CSGALNACT1: variants seen among roughly 807,000 people sequenced by gnomAD.
The protein encoded by CSGALNACT1 is chondroitin sulfate N-acetylgalactosaminyltransferase 1, also known as beta4GalNAcT-1.
A neutral mutation model predicts 51.0 loss-of-function variants in CSGALNACT1; 52 were observed. That is an observed-to-expected ratio of 1.02 (90% CI 0.82 to 1.29). The LOEUF (loss-of-function observed/expected upper bound fraction) is 1.29, where lower values mean the gene tolerates loss of function less well. Among genes scored for constraint, CSGALNACT1 ranks in the 50% most tolerant of loss-of-function variants. The probability of loss-of-function intolerance (pLI) is 0.00; values close to 1 mark genes in which losing one functional copy is unlikely to be tolerated. For synonymous variants in CSGALNACT1, 341 were observed against 254.4 expected (o/e 1.34, Z -3.24); for missense variants, 935 against 679.2 (o/e 1.38, Z -4.19).
rs879675049 is a variant in CSGALNACT1, at chr8:19,596,593, GAA to G, written c.-416+5176_-416+5177del. ...TGCAAATATAGGCCACAAATTGTAA[GAA>G]AAAAAAAAAAGACAACAAAGTCTAA... On this transcript the variant is annotated intron_variant, in intron 2 of 9. Coordinates refer to ENST00000454498, the Ensembl canonical transcript of CSGALNACT1. Among the ~76,000 whole-genome samples the G allele has an allele frequency of 8.8e-3, 1,166 of 133,198 alleles. 16 individuals are homozygous for G. The highest frequency in any genetic ancestry group is 0.03 in the African/African-American group (1,098 of 36,352). The allele number at this position is 133,198 out of a possible 152,430, so 87.4% of individuals were successfully genotyped here.
At chr8:19,534,371 AAC>A (rs2083352601) in intron 3 of CSGALNACT1, among the ~76,000 whole-genome samples, 1 of 152,108 alleles carries the variant, frequency 6.6e-6, no homozygotes, top group Non-Finnish European at 1.5e-5. Context: ...GAATAGCTTG[AAC>A]CCAGGAGGCA....
At chr8:19,416,764 G>C (rs2056962736) in intron 8 of CSGALNACT1, among the ~76,000 whole-genome samples, 1 of 152,188 alleles carries the variant, frequency 6.6e-6, no homozygotes, top group East Asian at 1.9e-4. Context: ...ATGTAGGATT[G>C]CATAAGTGCG....
intron 3 of CSGALNACT1, among the ~76,000 whole-genome samples, chr8:19,511,995 T>C (rs961605210): frequency 6.6e-6 from 1 of 152,128 alleles, no homozygotes; most frequent in Non-Finnish European, 1.5e-5. Flanking sequence ...GATCCAATCA[T>C]CTCCCACCAG....
chr8:19,689,083 A>G, intron 1 of CSGALNACT1: 1 of 152,072 alleles, frequency 6.6e-6, no homozygotes, highest in East Asian at 1.9e-4. Flanking sequence ...ACATACCAAA[A>G]TCTTTGATTC....
chr8:19,496,561 G>A (rs1274186285), intron 4 of CSGALNACT1, among the ~76,000 whole-genome samples: 1 of 152,168 alleles, frequency 6.6e-6, no homozygotes, highest in African/African-American at 2.4e-5. Context: ...AAGATATAAT[G>A]AGCTGAAAGA....
rs71510655 is a variant in CSGALNACT1 at position 19,696,375 on chromosome 8, T to C, written c.-297+61475A>G. Among the ~76,000 whole-genome samples, 406 of 152,304 alleles carry C rather than the reference T, an allele frequency of 2.7e-3. 1 individual carries two copies. The highest frequency in any genetic ancestry group is 6.8e-3 in the Middle Eastern group (2 of 294). On this transcript the variant is annotated intron_variant, in intron 1 of 1. Coordinates refer to the CSGALNACT1 transcript ENST00000517494. ...ACTCTTCGTTCCAGGGATATAAGCA[T>C]GAATTAAAGGCAGGCCTTCCCTCAA...
At chr8:19,454,489 G>A (rs992442672) in intron 5 of CSGALNACT1, among the ~76,000 whole-genome samples, 1 of 152,156 alleles carries the variant, frequency 6.6e-6, no homozygotes, top group Admixed American at 6.5e-5. Flanking sequence ...TGACCAACGT[G>A]GTGAAACCCA....
chr8:19,698,546 T>C (rs1384711585), intron 1 of CSGALNACT1, among the ~76,000 whole-genome samples: 1 of 152,214 alleles, frequency 6.6e-6, no homozygotes, highest in Non-Finnish European at 1.5e-5. Context: ...GGCCGAAGAA[T>C]TAAGCAGAGG....
exon 4 of CSGALNACT1, chr8:19,505,802 C>G: frequency 1.2e-6 from 2 of 1,613,470 alleles, no homozygotes; most frequent in Non-Finnish European, 1.7e-6. Context: ...CCCGGGAAAT[C>G]CACGCAAGCA....
chr8:19,550,257 A>G (rs1266985716), intron 3 of CSGALNACT1, among the ~76,000 whole-genome samples: 1 of 152,202 alleles, frequency 6.6e-6, no homozygotes, highest in East Asian at 1.9e-4. Context: ...AACAGCCAGG[A>G]CAACAGATGT....
intron 1 of CSGALNACT1, among the ~76,000 whole-genome samples, chr8:19,689,508 G>A (rs2061169268): frequency 1.3e-5 from 2 of 152,164 alleles, no homozygotes; most frequent in South Asian, 4.1e-4. Context: ...TTGAGCCACT[G>A]TTTTGAAGAG....
chr8:19,685,341 T>G (rs1269549103), upstream of CSGALNACT1, among the ~76,000 whole-genome samples: 1 of 152,060 alleles, frequency 6.6e-6, no homozygotes, highest in Non-Finnish European at 1.5e-5. Context: ...AAACCCTGTC[T>G]CTACAAAAAT....
intron 8 of CSGALNACT1, among the ~76,000 whole-genome samples, chr8:19,408,949 A>AACACACACACACACACAC (rs5889870): frequency 0.027 from 3,855 of 142,190 alleles, 78 homozygotes; most frequent in Middle Eastern, 0.043. Flanking sequence ...TAGATATGAA[A>AACACACACACACACACAC]ACACACACAC....
At chr8:19,727,629 GC>G (rs2063477033) in intron 1 of CSGALNACT1, among the ~76,000 whole-genome samples, 1 of 152,196 alleles carries the variant, frequency 6.6e-6, no homozygotes, top group African/African-American at 2.4e-5. Context: ...ATAGGTGTGA[GC>G]CACTGCAATT....
At chr8:19,580,901 A>C (rs1163197166) in intron 3 of CSGALNACT1, among the ~76,000 whole-genome samples, 1 of 152,238 alleles carries the variant, frequency 6.6e-6, no homozygotes, top group East Asian at 1.9e-4. Context: ...ATAGACACAG[A>C]AAAGTTTTAT....
At chr8:19,573,298 G>A (rs1016828819) in intron 3 of CSGALNACT1, among the ~76,000 whole-genome samples, 6 of 152,152 alleles carry the variant, frequency 3.9e-5, no homozygotes, top group South Asian at 4.1e-4. Context: ...GTGATCAAAC[G>A]AATCATCTTA....
intron 3 of CSGALNACT1, among the ~76,000 whole-genome samples, chr8:19,526,722 C>G (rs1441868034): frequency 6.6e-6 from 1 of 152,108 alleles, no homozygotes. Flanking sequence ...AAAAACATCA[C>G]GTAATTTAAT....
intron 1 of CSGALNACT1, among the ~76,000 whole-genome samples, chr8:19,614,125 C>T (rs1177556860): frequency 6.6e-6 from 1 of 152,152 alleles, no homozygotes; most frequent in Admixed American, 6.5e-5. Flanking sequence ...TTGTGTAATA[C>T]TCTTAATGCC....
chr8:19,549,411 T>C lies in CSGALNACT1; in HGVS notation c.-297+41749A>G, dbSNP rs527865964. On this transcript the variant is annotated intron_variant, in intron 3 of 9. Coordinates refer to ENST00000454498, the Ensembl canonical transcript of CSGALNACT1. ...ATTTTTCATTTGGTTGATTTCTCTA[T>C]GTATCTAACATTAATTTTCCCCACA... 8.5e-5 allele frequency among the ~76,000 whole-genome samples: 13 copies of C among 152,284 alleles called. No individual in the cohort carries two copies. The East Asian group carries it at 1.7e-3, about 20-fold the overall frequency.
Sources: gnomAD v4.1 joint callset for allele counts (sites outside exome capture counted in the v4.1 genomes callset) on GRCh38, gnomAD v4.1.1 for gene constraint, MANE v1.5 for transcripts, NCBI Gene and HGNC (gene_info 2026-07-23, HGNC 2026-07-21) for gene names.